The following TMEM132B variants were observed in gnomAD, a reference collection of about 807,000 sequenced individuals.
TMEM132B encodes transmembrane protein 132B.
Under a neutral mutation model 90.8 loss-of-function variants are expected in TMEM132B, and 18 were observed. The observed-to-expected ratio is 0.20, with a 90% CI of 0.14 to 0.29. TMEM132B has a LOEUF of 0.29. Among genes scored for constraint, TMEM132B ranks in the 10% least tolerant of loss-of-function variants. The pLI is 1.00. For synonymous variants in TMEM132B, 504 were observed against 523.3 expected (o/e 0.96, Z 0.50); for missense variants, 1,096 against 1,326.8 (o/e 0.83, Z 2.70).
At chr12:125,606,802 G>A (rs1011894031) in intron 5 of TMEM132B, among the ~76,000 whole-genome samples, 46 of 152,330 alleles carry the variant, frequency 3.0e-4, no homozygotes, top group Admixed American at 9.1e-4. Context: ...AACTTAGAGC[G>A]GCAGGTGCTA....
At chr12:125,575,083 T>TATATATATATATATATATATC (rs61155232) in intron 4 of TMEM132B, among the ~76,000 whole-genome samples, 1 of 114,614 alleles carries the variant, frequency 8.7e-6, no homozygotes, top group Non-Finnish European at 1.9e-5. Context: ...TATATATATA[T>TATATATATATATATATATATC]TCAGGAGTAG....
intron 4 of TMEM132B, among the ~76,000 whole-genome samples, chr12:125,575,057 C>CATATATATATATATATATATAT (rs147688714): frequency 0.017 from 746 of 43,728 alleles, 137 homozygotes; most frequent in East Asian, 0.029. Flanking sequence ...TATTAGCTGT[C>CATATATATATATATATATATAT]ATATATATAT....
chr12:125,406,615 T>C lies in TMEM132B; in HGVS notation c.960-8916T>C, dbSNP rs1429201820. Among the ~76,000 whole-genome samples the C allele has an allele frequency of 7.9e-5, 12 of 152,160 alleles. No homozygotes were observed. Among genetic ancestry groups the C allele is most frequent in the Non-Finnish European group, 1.6e-4 (11 of 68,030 alleles). On this transcript the variant is annotated intron_variant, in intron 2 of 8. Coordinates refer to ENST00000682704, the MANE Select transcript of TMEM132B (RefSeq NM_001366854.1). The surrounding 1 kb of genome is among the most constrained non-coding windows in gnomAD (Gnocchi z 8.3). ...AGGACTGGGTGGATGATATGGGGTA[T>C]AAAAATATTTCACAGTCTTGATGGC...
chr12:125,579,108 C>T (rs1304680706), intron 4 of TMEM132B, among the ~76,000 whole-genome samples: 1 of 152,104 alleles, frequency 6.6e-6, no homozygotes, highest in African/African-American at 2.4e-5. Context: ...TCACAGAAAT[C>T]TCTGATGCTG....
intron 3 of TMEM132B, among the ~76,000 whole-genome samples, chr12:125,441,362 T>G (rs1172766734): frequency 2.0e-5 from 3 of 152,134 alleles, no homozygotes; most frequent in African/African-American, 7.2e-5. Context: ...AAACAAAAGG[T>G]TTCCAAGTTG....
intron 1 of TMEM132B, among the ~76,000 whole-genome samples, chr12:125,324,948 C>A (rs1876520302): frequency 6.6e-6 from 1 of 152,112 alleles, no homozygotes; most frequent in African/African-American, 2.4e-5. Context: ...GGGGCTCAAA[C>A]AAAACTCCTT....
At position 125,326,432 on chromosome 12, in the gene TMEM132B, C is replaced by T; in HGVS notation, c.68-23020C>T. The T allele has an allele frequency of 7.5e-6, 5 of 666,028 alleles. 1 individual carries two copies. Among genetic ancestry groups the T allele is most frequent in the East Asian group, 2.8e-5 (1 of 35,632 alleles). 41.3% of individuals were successfully genotyped at this position (666,028 alleles called of 1,614,324 possible). On this transcript the variant is annotated intron_variant, in intron 1 of 8. Coordinates refer to ENST00000682704, the MANE Select transcript of TMEM132B (RefSeq NM_001366854.1). ...AAAAGTCACTTGCCCTCCTTGTTGACCTGTTTCCAATGAAGACAATATGAG... is the reference window on the plus strand; with the variant it reads ...AAAAGTCACTTGCCCTCCTTGTTGATCTGTTTCCAATGAAGACAATATGAG...
intron 1 of TMEM132B, among the ~76,000 whole-genome samples, chr12:125,283,330 CT>C (rs1875252311): frequency 6.6e-6 from 1 of 152,136 alleles, no homozygotes; most frequent in African/African-American, 2.4e-5. Flanking sequence ...GTCAAAATTA[CT>C]ATTTATTTAA....
At chr12:125,464,246 T>G (rs1014807257) in intron 3 of TMEM132B, among the ~76,000 whole-genome samples, 2 of 152,150 alleles carry the variant, frequency 1.3e-5, no homozygotes, top group African/African-American at 4.8e-5. Context: ...CAGTGAGCCT[T>G]GGGCAGCTGT....
At chr12:125,435,564 T>A (rs1343893982) in intron 3 of TMEM132B, among the ~76,000 whole-genome samples, 2 of 152,222 alleles carry the variant, frequency 1.3e-5, no homozygotes, top group Non-Finnish European at 2.9e-5. Flanking sequence ...AGCCAGGCAC[T>A]AGTATAGGTG....
intron 3 of TMEM132B, among the ~76,000 whole-genome samples, chr12:125,454,378 G>GTA (rs1273708417): frequency 7.3e-6 from 1 of 137,496 alleles, no homozygotes; most frequent in Admixed American, 7.5e-5. Flanking sequence ...AGCCAGCCGT[G>GTA]TGTGTGTGTG....
intron 3 of TMEM132B, among the ~76,000 whole-genome samples, chr12:125,417,404 G>T (rs1429806452): frequency 2.6e-5 from 4 of 152,196 alleles, no homozygotes; most frequent in Non-Finnish European, 4.4e-5. Context: ...GTGGGAAATG[G>T]TCTCTGTTGC....
At chr12:125,395,304 G>T (rs1434841247) in intron 2 of TMEM132B, among the ~76,000 whole-genome samples, 1 of 152,214 alleles carries the variant, frequency 6.6e-6, no homozygotes, top group Non-Finnish European at 1.5e-5. Context: ...AAGTTGATAT[G>T]ACCAGACATT....
chr12:125,604,739 G>T (rs1885652492), intron 5 of TMEM132B, among the ~76,000 whole-genome samples: 1 of 152,152 alleles, frequency 6.6e-6, no homozygotes, highest in African/African-American at 2.4e-5. Context: ...TTTCGTTTTT[G>T]TAGGCAACCA....
chr12:125,431,518 C>T (rs1469040690), intron 3 of TMEM132B, among the ~76,000 whole-genome samples: 4 of 152,084 alleles, frequency 2.6e-5, no homozygotes, highest in Admixed American at 6.5e-5. Context: ...TACTGAGCGA[C>T]GTGCTTAGGA....
intron 3 of TMEM132B, among the ~76,000 whole-genome samples, chr12:125,497,132 C>G (rs1007755989): frequency 6.6e-6 from 1 of 152,304 alleles, no homozygotes; most frequent in African/African-American, 2.4e-5. Flanking sequence ...AATCTGCTGT[C>G]CTCCAAGGAG....
At chr12:125,570,214 C>T (rs996364296) in intron 4 of TMEM132B, among the ~76,000 whole-genome samples, 5 of 152,176 alleles carry the variant, frequency 3.3e-5, no homozygotes, top group African/African-American at 9.7e-5. Flanking sequence ...TCTTGTAGAA[C>T]CTCCATATGT....
intron 4 of TMEM132B, among the ~76,000 whole-genome samples, chr12:125,542,817 G>A (rs760345269): frequency 1.3e-5 from 2 of 152,138 alleles, no homozygotes; most frequent in Admixed American, 6.5e-5. Flanking sequence ...ATATCTCTTC[G>A]AAGCCTTGCT....
At chr12:125,493,219 A>G (rs891515496) in intron 3 of TMEM132B, among the ~76,000 whole-genome samples, 7 of 152,202 alleles carry the variant, frequency 4.6e-5, no homozygotes, top group Non-Finnish European at 8.8e-5. Flanking sequence ...GGGCATTCCC[A>G]GCTAGTGATT....
Sources: gnomAD v4.1 joint callset for allele counts (sites outside exome capture counted in the v4.1 genomes callset) on GRCh38, gnomAD v4.1.1 for gene constraint, Gnocchi (gnomAD v3.1) non-coding constraint, MANE v1.5 for transcripts, NCBI Gene and HGNC (gene_info 2026-07-23, HGNC 2026-07-21) for gene names.